The following VWCE variants were observed in gnomAD, a reference collection of about 807,000 sequenced individuals.
The protein encoded by VWCE is von Willebrand factor C and EGF domain-containing protein.
In VWCE, 68 loss-of-function variants were observed where a neutral mutation model predicts 102.9. The observed-to-expected ratio is 0.66, with a 90% CI of 0.54 to 0.81. VWCE has a LOEUF of 0.81. Among genes scored for constraint, VWCE ranks in the 30% least tolerant of loss-of-function variants. The probability of loss-of-function intolerance (pLI) is 0.00; values close to 1 mark genes in which losing one functional copy is unlikely to be tolerated. For missense variants in VWCE, 1,137 were observed against 1,263.6 expected (o/e 0.90, Z 1.52); for synonymous variants, 497 against 515.4 (o/e 0.96, Z 0.48).
Position 61,273,192 on chromosome 11 carries a change from A to T in VWCE, c.1699+7T>A. 6.2e-7 allele frequency: 1 copy of T among 1,613,728 alleles called. No homozygotes were observed. Among genetic ancestry groups the T allele is most frequent in the Non-Finnish European group, 8.5e-7 (1 of 1,179,758 alleles). ...CCCTGTGTCGGGGCAGCCCTGGACC[A>T]GCTCACCTGTCGAGGGTGTGGGCTC... is the stretch of plus-strand genomic sequence containing the variant. On this transcript the variant is annotated splice_region_variant and intron_variant, in intron 13 of 19. Transcript: ENST00000335613.
chr11:61,286,555 C>G, intron 4 of VWCE, 125 bp from the exon 5 acceptor site: 1 of 849,368 alleles, frequency 1.2e-6, no homozygotes, highest in South Asian at 1.5e-5. Flanking sequence ...GTAATCCCAG[C>G]ACTTTGGGAG....
intron 19 of VWCE, 129 bp downstream of exon 19, chr11:61,264,358 C>A (rs971108981): frequency 1.1e-6 from 1 of 888,378 alleles, no homozygotes; most frequent in Non-Finnish European, 1.7e-6. Flanking sequence ...TACAACCTTG[C>A]GCGAGCCGTG....
chr11:61,285,021 G>A (rs1284644809), intron 5 of VWCE, among the ~76,000 whole-genome samples: 1 of 151,876 alleles, frequency 6.6e-6, no homozygotes, highest in African/African-American at 2.4e-5. Flanking sequence ...CAAGAAGACT[G>A]CTTTCTGAAA....
At position 61,265,217 on chromosome 11, in the gene VWCE, A is replaced by G; in HGVS notation, c.1966-5T>C. The G allele has an allele frequency of 6.8e-7, 1 of 1,472,400 alleles. No individual in the cohort carries two copies. The highest frequency in any genetic ancestry group is 9.0e-7 in the Non-Finnish European group (1 of 1,110,092). The allele number at this position is 1,472,400 out of a possible 1,614,324, so 91.2% of individuals were successfully genotyped here. On this transcript the variant is annotated splice_region_variant and splice_polypyrimidine_tract_variant and intron_variant, in intron 16 of 19. Transcript: ENST00000335613. ...GGAACAGGCCACTGAGCCCAGCTGCAGGACACAGAAAACACACAAGGCCCT... is the reference window on the plus strand; with the variant it reads ...GGAACAGGCCACTGAGCCCAGCTGCGGGACACAGAAAACACACAAGGCCCT...
chr11:61,277,000 GAGGA>G (rs1295039068), intron 10 of VWCE, among the ~76,000 whole-genome samples: 1 of 113,316 alleles, frequency 8.8e-6, no homozygotes, highest in African/African-American at 3.5e-5. Flanking sequence ...ATAGGAGACA[GAGGA>G]AGGAAGGAGG....
chr11:61,282,963 A>G (rs1462482003), intron 5 of VWCE, 58 bp from the exon 6 acceptor site: 2 of 1,442,838 alleles, frequency 1.4e-6, no homozygotes, highest in Non-Finnish European at 9.8e-7. Flanking sequence ...TTGGAAATAT[A>G]TGGTCCCCTC....
At chr11:61,265,099 G>A (rs376407964) in intron 17 of VWCE, 23 bp downstream of exon 17, 43 of 1,613,092 alleles carry the variant, frequency 2.7e-5, no homozygotes, top group Middle Eastern at 1.6e-4. Context: ...AACCTGGCAC[G>A]TGGGGCAGCT....
At chr11:61,262,706 A>C (rs1232739513) in intron 19 of VWCE, among the ~76,000 whole-genome samples, 1 of 152,238 alleles carries the variant, frequency 6.6e-6, no homozygotes, top group Non-Finnish European at 1.5e-5. Flanking sequence ...CCGAAAACAG[A>C]ACATACTCTT....
intron 19 of VWCE, among the ~76,000 whole-genome samples, chr11:61,262,704 A>G (rs1471820707): frequency 6.6e-6 from 1 of 152,252 alleles, no homozygotes; most frequent in Non-Finnish European, 1.5e-5. Flanking sequence ...CCCCGAAAAC[A>G]GAACATACTC....
chr11:61,280,349 G>A (rs1855079629), intron 9 of VWCE, among the ~76,000 whole-genome samples: 1 of 152,062 alleles, frequency 6.6e-6, no homozygotes, highest in African/African-American at 2.4e-5. Flanking sequence ...CCCCCTTGAG[G>A]CATATTACAG....
At chr11:61,292,562 G>A (rs1352550917) in intron 1 of VWCE, among the ~76,000 whole-genome samples, 1 of 152,174 alleles carries the variant, frequency 6.6e-6, no homozygotes, top group Non-Finnish European at 1.5e-5. Flanking sequence ...TTGGGTGGGT[G>A]TGGGGTCATG....
At chr11:61,291,687 T>C (rs1855507014) in intron 1 of VWCE, 111 bp from the exon 2 acceptor site, 10 of 911,734 alleles carry the variant, frequency 1.1e-5, no homozygotes, top group Middle Eastern at 2.4e-4. Context: ...TCTCAAGAAC[T>C]GTCTGGAGGG....
chr11:61,281,582 G>A (rs974740309), intron 7 of VWCE, among the ~76,000 whole-genome samples: 3 of 152,164 alleles, frequency 2.0e-5, no homozygotes, highest in African/African-American at 7.2e-5. Flanking sequence ...TAACAAACAA[G>A]ATGAACTCAA....
intron 19 of VWCE, among the ~76,000 whole-genome samples, chr11:61,262,364 A>G (rs746494500): frequency 6.6e-6 from 1 of 152,196 alleles, no homozygotes; most frequent in Non-Finnish European, 1.5e-5. Flanking sequence ...CTTACACACC[A>G]ACTAGAAACT....
chr11:61,271,866 TCA>T, intron 13 of VWCE, 106 bp from the exon 14 acceptor site: 2 of 960,474 alleles, frequency 2.1e-6, no homozygotes, highest in East Asian at 5.3e-5. Flanking sequence ...CCGATATCAC[TCA>T]CACACGGACA....
rs139441314 is a variant in VWCE, at chr11:61,290,791, C to G, written c.424+8G>C. 3 of 1,599,796 alleles carry G rather than the reference C, an allele frequency of 1.9e-6. No homozygotes were observed. In the East Asian group the frequency reaches 6.7e-5, roughly 36 times the overall value. ...CTCCCCCTCCCCCACCACTCCCAGGCGTCTCACCTGTACACCTGATGCCAA... is the reference window on the plus strand; with the variant it reads ...CTCCCCCTCCCCCACCACTCCCAGGGGTCTCACCTGTACACCTGATGCCAA... On this transcript the variant is annotated splice_region_variant and intron_variant, in intron 4 of 19. Coordinates refer to ENST00000335613, the MANE Select transcript of VWCE (RefSeq NM_152718.2).
chr11:61,262,238 G>A (rs1854383514), intron 19 of VWCE, among the ~76,000 whole-genome samples: 2 of 152,198 alleles, frequency 1.3e-5, no homozygotes, highest in Non-Finnish European at 1.5e-5. Flanking sequence ...ACAGGCGTGA[G>A]CCACCACGCC....
rs777981617 is a variant in VWCE at position 61,280,891 on chromosome 11, G to A, written c.1132C>T (p.Arg378Ter). Reference sequence around the variant, plus strand: ...CAGGGAGAGGGCCCTGCTGCCAGTCGGGGGGACTCAGGGCCCCTGGGTGAG... The same window carrying A: ...CAGGGAGAGGGCCCTGCTGCCAGTCAGGGGGACTCAGGGCCCCTGGGTGAG... Reference protein sequence around the residue: ...PSSPRGPESPRLAAGPSPCWH... With the variant: ...PSSPRGPESP The change falls in exon 8 of 20, where the codon CGA becomes TGA. Residue 378 changes from arginine to a stop codon, truncating the protein, a stop_gained. Transcript: ENST00000335613. LOFTEE classifies it high-confidence loss of function. 4 of 1,531,210 alleles carry A rather than the reference G, an allele frequency of 2.6e-6. No homozygotes were observed. Among genetic ancestry groups the A allele is most frequent in the South Asian group, 1.3e-5 (1 of 77,054 alleles). 94.9% of individuals were successfully genotyped at this position (1,531,210 alleles called of 1,614,324 possible).
Position 61,294,173 on chromosome 11 carries a change from G to A in VWCE, c.110+755C>T, listed in dbSNP as rs1289159185. On this transcript the variant is annotated intron_variant, in intron 1 of 19. Transcript: ENST00000335613. The surrounding 1 kb of genome is among the most constrained non-coding windows in gnomAD (Gnocchi z 6.3). Reference sequence around the variant, plus strand: ...GACAGGTGGTGGGAGCCTGTGGAACGCCGGGGAGTCGGGGCAGGTTCTGAG... The same window carrying A: ...GACAGGTGGTGGGAGCCTGTGGAACACCGGGGAGTCGGGGCAGGTTCTGAG... Among the ~76,000 whole-genome samples the A allele has an allele frequency of 2.0e-5, 3 of 152,170 alleles. No homozygotes were observed. The highest frequency in any genetic ancestry group is 1.9e-4 in the East Asian group (1 of 5,166).
Sources: gnomAD v4.1 joint callset for allele counts (sites outside exome capture counted in the v4.1 genomes callset) on GRCh38, gnomAD v4.1.1 for gene constraint, Gnocchi (gnomAD v3.1) non-coding constraint, MANE v1.5 for transcripts, NCBI Gene and HGNC (gene_info 2026-07-23, HGNC 2026-07-21) for gene names.